Variants in LHPP observed in about 807,000 individuals in gnomAD.
The protein encoded by LHPP is phospholysine phosphohistidine inorganic pyrophosphate phosphatase.
In LHPP, 24 loss-of-function variants were observed where a neutral mutation model predicts 30.3. The ratio of observed to expected loss-of-function variants is 0.79; its 90% CI spans 0.57 to 1.11. The LOEUF (loss-of-function observed/expected upper bound fraction) is 1.11, where lower values mean the gene tolerates loss of function less well. LHPP is among the 50% of genes most tolerant of loss of function. LHPP has a pLI of 0.00. For missense variants in LHPP, 356 were observed against 367.2 expected (o/e 0.97, Z 0.25); for synonymous variants, 150 against 157.1 (o/e 0.95, Z 0.34).
intron 6 of LHPP, among the ~76,000 whole-genome samples, chr10:124,606,861 T>G (rs575900617): frequency 3.6e-4 from 55 of 152,326 alleles, no homozygotes; most frequent in African/African-American, 1.3e-3. Flanking sequence ...GCCCCAGCCC[T>G]TCCCTGCCTG....
chr10:124,564,359 G>A (rs766137785), intron 6 of LHPP, among the ~76,000 whole-genome samples: 1 of 152,042 alleles, frequency 6.6e-6, no homozygotes, highest in Non-Finnish European at 1.5e-5. Context: ...TCCTGATCTC[G>A]TGATCTGCCC....
chr10:124,517,300 C>A lies in LHPP; in HGVS notation c.716+29C>A, dbSNP rs775128634. 5 of 1,428,584 alleles carry A rather than the reference C, an allele frequency of 3.5e-6. No homozygotes were observed. Among genetic ancestry groups the A allele is most frequent in the Non-Finnish European group, 4.8e-6 (5 of 1,045,644 alleles). 88.5% of individuals were successfully genotyped at this position (1,428,584 alleles called of 1,614,324 possible). A position where few individuals can be genotyped will look rare whatever the true frequency, so the allele number is the denominator to read the frequency against. On this transcript the variant is annotated intron_variant, in intron 6 of 6. Coordinates refer to ENST00000368842, the MANE Select transcript of LHPP (RefSeq NM_022126.4). The surrounding 1 kb of genome is among the most constrained non-coding windows in gnomAD (Gnocchi z 4.1). ...AGTGCCAGCTGGAGTCATTTATTCA[C>A]CTTCCTTCCAGGGGATGACCACATT... is the stretch of plus-strand genomic sequence containing the variant.
At chr10:124,508,179 T>C (rs1033351697) in intron 5 of LHPP, among the ~76,000 whole-genome samples, 2 of 152,054 alleles carry the variant, frequency 1.3e-5, no homozygotes, top group Non-Finnish European at 2.9e-5. Context: ...CCCAGTTCTT[T>C]CTGCTGTGGC....
intron 6 of LHPP, among the ~76,000 whole-genome samples, chr10:124,546,584 G>A (rs1399527527): frequency 6.6e-6 from 1 of 152,086 alleles, no homozygotes; most frequent in Non-Finnish European, 1.5e-5. Flanking sequence ...TTGTATTTTT[G>A]TATTTTTAGT....
rs1020211580 is a variant in LHPP, at chr10:124,593,239, T to A, written c.717-20025T>A. On this transcript the variant is annotated intron_variant, in intron 6 of 6. Coordinates refer to ENST00000368842, the MANE Select transcript of LHPP (RefSeq NM_022126.4). The surrounding 1 kb of genome is among the most constrained non-coding windows in gnomAD (Gnocchi z 4.9). ...TCCTGGGAAGCCAGCTGAGAGCACC[T>A]CTTTCTCTTTGGGTCCTGCAGCCCG... Among the ~76,000 whole-genome samples, 3 of 152,076 alleles carry A rather than the reference T, an allele frequency of 2.0e-5. No homozygotes were observed. Among genetic ancestry groups the A allele is most frequent in the South Asian group, 2.1e-4 (1 of 4,822 alleles).
chr10:124,540,171 G>C (rs150718876), intron 6 of LHPP, among the ~76,000 whole-genome samples: 2 of 152,158 alleles, frequency 1.3e-5, no homozygotes. Context: ...GTGTCTGTGC[G>C]CTTCGGTGGA....
At chr10:124,594,628 C>CTTT (rs60757373) in intron 6 of LHPP, among the ~76,000 whole-genome samples, 1 of 143,736 alleles carries the variant, frequency 7.0e-6, no homozygotes. Flanking sequence ...ATTCAGTAAA[C>CTTT]TTTTTTTTTT....
intron 6 of LHPP, among the ~76,000 whole-genome samples, chr10:124,551,928 C>G (rs533927219): frequency 1.3e-5 from 2 of 151,934 alleles, no homozygotes; most frequent in African/African-American, 4.8e-5. Flanking sequence ...CACCAGGGAC[C>G]GTGCTGAGGC....
At chr10:124,492,115 A>G (rs1589787114) in intron 3 of LHPP, among the ~76,000 whole-genome samples, 1 of 151,842 alleles carries the variant, frequency 6.6e-6, no homozygotes, top group Admixed American at 6.6e-5. Flanking sequence ...TTTACTGCAG[A>G]CCCCACTCCT....
intron 6 of LHPP, among the ~76,000 whole-genome samples, chr10:124,583,578 G>T (rs991478904): frequency 6.6e-6 from 1 of 152,158 alleles, no homozygotes; most frequent in Non-Finnish European, 1.5e-5. Context: ...TCTGCTTCTG[G>T]GAAGCCTCAG....
Position 124,478,776 on chromosome 10 carries a change from G to A in LHPP, c.126-5363G>A, listed in dbSNP as rs1001832627. Among the ~76,000 whole-genome samples the A allele has an allele frequency of 6.6e-5, 10 of 152,166 alleles. No individual in the cohort carries two copies. The highest frequency in any genetic ancestry group is 2.1e-4 in the South Asian group (1 of 4,832). ...TTCAAAGATCCAGTTTGGGCCAGGC[G>A]CGGTGGCTCAGGCCGGGTGCCATGG... On this transcript the variant is annotated intron_variant, in intron 1 of 6. Transcript: ENST00000368842. This position sits in a 1 kb window ranked among gnomAD's most constrained non-coding sequence, Gnocchi z 4.7.
At chr10:124,551,155 G>A (rs943568106) in intron 6 of LHPP, among the ~76,000 whole-genome samples, 2 of 152,162 alleles carry the variant, frequency 1.3e-5, no homozygotes, top group African/African-American at 2.4e-5. Flanking sequence ...GGGTTCCTGG[G>A]GAGATGGCTC....
chr10:124,532,851 TGTGGTGGCAAA>T (rs1381935013), intron 6 of LHPP, among the ~76,000 whole-genome samples: 1 of 152,160 alleles, frequency 6.6e-6, no homozygotes, highest in Non-Finnish European at 1.5e-5. Context: ...AGATTAGCTA[TGTGGTGGCAAA>T]GTGTCCCGAG....
intron 6 of LHPP, among the ~76,000 whole-genome samples, chr10:124,608,282 C>G (rs901862210): frequency 9.2e-5 from 14 of 152,210 alleles, no homozygotes; most frequent in African/African-American, 2.9e-4. Flanking sequence ...GTCTGCCCCC[C>G]ACCAGCCTGT....
chr10:124,604,382 G>C (rs1464499948), intron 6 of LHPP, among the ~76,000 whole-genome samples: 1 of 152,212 alleles, frequency 6.6e-6, no homozygotes, highest in Non-Finnish European at 1.5e-5. Flanking sequence ...CTGCTGTCCT[G>C]AGGGTGGCCG....
In LHPP at chr10:124,496,886, C is replaced by T. The variant is rs1394819774; in HGVS notation, c.468-75C>T. 7 of 1,379,970 alleles carry T rather than the reference C, an allele frequency of 5.1e-6. No individual in the cohort carries two copies. In the East Asian group the frequency reaches 1.4e-4, roughly 28 times the overall value. The allele number at this position is 1,379,970 out of a possible 1,614,324, so 85.5% of individuals were successfully genotyped here. A position where few individuals can be genotyped will look rare whatever the true frequency, so the allele number is the denominator to read the frequency against. On this transcript the variant is annotated intron_variant, in intron 3 of 6. Transcript: ENST00000368842. This position sits in a 1 kb window ranked among gnomAD's most constrained non-coding sequence, Gnocchi z 4.3. The stretch of plus-strand genomic sequence containing the variant: ...CAGCCAGCGGGACAGGCCCGGTGCT[C>T]AGCTCCCGATACTTAGCATCCTGCG...
At chr10:124,471,154 A>C (rs75950209) in intron 1 of LHPP, among the ~76,000 whole-genome samples, 1,962 of 151,556 alleles carry the variant, frequency 0.013, 40 homozygotes, top group African/African-American at 0.045. Flanking sequence ...TATTCCTCAA[A>C]AGCACAGAGG....
At chr10:124,465,419 A>G (rs555381846) in intron 1 of LHPP, among the ~76,000 whole-genome samples, 34 of 152,332 alleles carry the variant, frequency 2.2e-4, no homozygotes, top group African/African-American at 7.2e-4. Context: ...AGAAATACAA[A>G]TGTAAAAAGT....
Position 124,470,648 on chromosome 10 carries a change from TAAC to T in LHPP, c.125+8694_125+8696del, listed in dbSNP as rs10682827. On this transcript the variant is annotated intron_variant, in intron 1 of 6. Coordinates refer to ENST00000368842, the MANE Select transcript of LHPP (RefSeq NM_022126.4). ...AGGTCCCTGGGAGTAGCAGCAATAG[TAAC>T]AACAACAACAACAACAACAACAACA... is the stretch of plus-strand genomic sequence containing the variant. Among the ~76,000 whole-genome samples the T allele has an allele frequency of 1.2e-3, 169 of 145,022 alleles. 1 individual carries two copies. The highest frequency in any genetic ancestry group is 2.0e-3 in the South Asian group (9 of 4,508).
Sources: allele counts gnomAD v4.1 joint callset (sites outside exome capture counted in the v4.1 genomes callset), GRCh38; gene constraint gnomAD v4.1.1; non-coding constraint Gnocchi (gnomAD v3.1); transcripts MANE v1.5; gene names NCBI Gene and HGNC (gene_info 2026-07-23, HGNC 2026-07-21).